Variants in SGMS1 observed in about 807,000 individuals in gnomAD.
The protein encoded by SGMS1 is sphingomyelin synthase 1, also known as phosphatidylcholine:ceramide cholinephosphotransferase 1.
SGMS1 carries 13 observed loss-of-function variants against 46.2 expected under a neutral mutation model. The observed-to-expected ratio is 0.28, with a 90% confidence interval of 0.18 to 0.45. SGMS1 has a LOEUF of 0.45. SGMS1 is among the 20% of genes least tolerant of loss of function. The pLI is 1.00. For synonymous variants in SGMS1, 203 were observed against 187.8 expected, an observed-to-expected ratio of 1.08 and a Z score of -0.66; for missense variants, 324 against 519.9, an observed-to-expected ratio of 0.62 and a Z score of 3.66.
chr10:50,562,582 C>T (rs1838250346), intron 2 of SGMS1, among the ~76,000 whole-genome samples: 1 of 152,202 alleles, frequency 6.6e-6, no homozygotes, highest in South Asian at 2.1e-4. Context: ...CTCGCTCTGT[C>T]GCCCAGGCTG....
chr10:50,396,082 C>T (rs1166913250), intron 6 of SGMS1, among the ~76,000 whole-genome samples: 1 of 152,142 alleles, frequency 6.6e-6, no homozygotes, highest in East Asian at 1.9e-4. Context: ...AGTGCATTTC[C>T]TCCCTTTCCA....
At chr10:50,563,870 T>C (rs1007844735) in intron 2 of SGMS1, among the ~76,000 whole-genome samples, 1 of 151,812 alleles carries the variant, frequency 6.6e-6, no homozygotes, top group Non-Finnish European at 1.5e-5. Flanking sequence ...CACTTGCGTG[T>C]GCTATGGAAT....
At chr10:50,619,210 C>CCAT (rs1838825308) in intron 1 of SGMS1, among the ~76,000 whole-genome samples, 1 of 152,004 alleles carries the variant, frequency 6.6e-6, no homozygotes, top group Admixed American at 6.6e-5. Flanking sequence ...AGTTAAGCAT[C>CCAT]CATCATTAGG....
intron 7 of SGMS1, among the ~76,000 whole-genome samples, chr10:50,337,106 T>C (rs565798973): frequency 1.2e-4 from 19 of 152,260 alleles, no homozygotes; most frequent in African/African-American, 4.6e-4. Context: ...TGGGTAAGTA[T>C]CCGAAAAAGC....
At chr10:50,531,375 ATT>A (rs111628705) in intron 2 of SGMS1, among the ~76,000 whole-genome samples, 21 of 149,008 alleles carry the variant, frequency 1.4e-4, no homozygotes, top group East Asian at 5.9e-4. Context: ...ATGTTTACTT[ATT>A]TTTTTTTTTA....
chr10:50,319,465 G>A (rs778504101), intron 8 of SGMS1, among the ~76,000 whole-genome samples: 1 of 152,024 alleles, frequency 6.6e-6, no homozygotes, highest in Non-Finnish European at 1.5e-5. Flanking sequence ...CAAACTACTC[G>A]ATAGTGTCAA....
intron 2 of SGMS1, among the ~76,000 whole-genome samples, chr10:50,548,831 G>C (rs1449759589): frequency 1.1e-4 from 16 of 151,964 alleles, no homozygotes. Flanking sequence ...CTAATATCCA[G>C]AGTCTACAAG....
chr10:50,550,674 C>T (rs1838141214), intron 2 of SGMS1, among the ~76,000 whole-genome samples: 1 of 152,180 alleles, frequency 6.6e-6, no homozygotes. Flanking sequence ...CTGACCCCTC[C>T]TCGTCAACCT....
At chr10:50,343,453 C>A in intron 7 of SGMS1, 39 bp downstream of exon 7, 1 of 1,529,650 alleles carries the variant, frequency 6.5e-7, no homozygotes, top group South Asian at 1.3e-5. Flanking sequence ...GAGTGCAAAT[C>A]CCATAATCAT....
intron 5 of SGMS1, among the ~76,000 whole-genome samples, chr10:50,435,679 T>C (rs1849465461): frequency 6.6e-6 from 1 of 152,178 alleles, no homozygotes; most frequent in South Asian, 2.1e-4. Context: ...CTAATTCTTC[T>C]GGTGTACATT....
chr10:50,616,912 T>A (rs1203391741), intron 1 of SGMS1, among the ~76,000 whole-genome samples: 4 of 152,196 alleles, frequency 2.6e-5, no homozygotes, highest in African/African-American at 9.7e-5. Flanking sequence ...ATATATTCAA[T>A]GCAATGCCCA....
chr10:50,373,553 CTG>C (rs1349398861), intron 6 of SGMS1, among the ~76,000 whole-genome samples: 3 of 152,156 alleles, frequency 2.0e-5, no homozygotes, highest in African/African-American at 7.2e-5. Context: ...AAGATGTAAA[CTG>C]TAAGATCAAA....
intron 5 of SGMS1, among the ~76,000 whole-genome samples, chr10:50,456,827 A>T (rs1411998120): frequency 2.0e-5 from 3 of 152,230 alleles, no homozygotes; most frequent in Non-Finnish European, 4.4e-5. Context: ...TACTTGTCAC[A>T]GACAAGCCAC....
intron 5 of SGMS1, among the ~76,000 whole-genome samples, chr10:50,434,679 A>G (rs1326194601): frequency 6.6e-6 from 1 of 150,702 alleles, no homozygotes; most frequent in Non-Finnish European, 1.5e-5. Context: ...GATCGAGACC[A>G]TCCTGGCTAA....
chr10:50,536,821 ATT>A (rs1289659841), intron 2 of SGMS1, among the ~76,000 whole-genome samples: 4 of 152,178 alleles, frequency 2.6e-5, no homozygotes, highest in Non-Finnish European at 5.9e-5. Flanking sequence ...TGCTATAATC[ATT>A]GTCAAGATTA....
intron 2 of SGMS1, among the ~76,000 whole-genome samples, chr10:50,587,626 A>AAT (rs67652314): frequency 0.17 from 14,410 of 85,682 alleles, 961 homozygotes; most frequent in East Asian, 0.47. Context: ...TGCATCTCAA[A>AAT]ATATATATGT....
At chr10:50,397,599 C>G (rs1014425434) in intron 6 of SGMS1, among the ~76,000 whole-genome samples, 3 of 152,180 alleles carry the variant, frequency 2.0e-5, no homozygotes, top group Non-Finnish European at 4.4e-5. Flanking sequence ...GTCCACATCT[C>G]TTTGCCTCTG....
At chr10:50,317,960 C>T (rs1847374590) in intron 8 of SGMS1, among the ~76,000 whole-genome samples, 1 of 152,052 alleles carries the variant, frequency 6.6e-6, no homozygotes. Flanking sequence ...CATGCCGCCA[C>T]ACCCGGCTAA....
intron 6 of SGMS1, among the ~76,000 whole-genome samples, chr10:50,371,210 T>C (rs1848431139): frequency 6.6e-6 from 1 of 152,226 alleles, no homozygotes; most frequent in Non-Finnish European, 1.5e-5. Context: ...ATCTGTGTTA[T>C]AATCATTTGG....
Sources: allele counts gnomAD v4.1 joint callset (sites outside exome capture counted in the v4.1 genomes callset), GRCh38; gene constraint gnomAD v4.1.1; transcripts MANE v1.5; gene names NCBI Gene and HGNC (gene_info 2026-07-23, HGNC 2026-07-21).